SYNDIG1: variants seen among roughly 807,000 people sequenced by gnomAD.
SYNDIG1 encodes the protein synapse differentiation-inducing gene protein 1.
SYNDIG1 carries 9 observed loss-of-function variants against 19.4 expected under a neutral mutation model. That is an observed-to-expected ratio of 0.46 (90% CI 0.28 to 0.81). SYNDIG1 has a LOEUF of 0.81. Among genes scored for constraint, SYNDIG1 ranks in the 30% least tolerant of loss-of-function variants. SYNDIG1 has a pLI of 0.12. For synonymous variants in SYNDIG1, 141 were observed against 145.9 expected (o/e 0.97, Z 0.24); for missense variants, 311 against 343.3 (o/e 0.91, Z 0.74).
Position 24,613,601 on chromosome 20 carries a change from G to C in SYNDIG1, c.618+28608G>C, listed in dbSNP as rs543221852. Among the ~76,000 whole-genome samples the C allele has an allele frequency of 3.9e-5, 6 of 152,162 alleles. No individual in the cohort carries two copies. The South Asian group carries it at 1.0e-3, about 26-fold the overall frequency. On this transcript the variant is annotated intron_variant, in intron 3 of 3. Transcript: ENST00000376862. ...CCCCCTGCCTTGGCACCTCCACACA[G>C]AGGCTCTCCCTTCATGCTTGCCCTC...
intron 1 of SYNDIG1, among the ~76,000 whole-genome samples, chr20:24,485,029 T>A (rs565145364): frequency 1.3e-5 from 2 of 152,240 alleles, no homozygotes; most frequent in Admixed American, 1.3e-4. Flanking sequence ...GGTTCCTCCT[T>A]CTGTTTGGTC....
At chr20:24,605,798 G>T (rs554682573) in intron 3 of SYNDIG1, among the ~76,000 whole-genome samples, 1 of 152,296 alleles carries the variant, frequency 6.6e-6, no homozygotes, top group South Asian at 2.1e-4. Flanking sequence ...TTGTCCAAGG[G>T]CAGAGTCTGC....
chr20:24,544,085 G>T (rs532547926), intron 2 of SYNDIG1, among the ~76,000 whole-genome samples: 17 of 152,310 alleles, frequency 1.1e-4, no homozygotes, highest in African/African-American at 3.6e-4. Flanking sequence ...GGTACTGATA[G>T]CCTGAAGGGA....
At chr20:24,567,743 A>G (rs1415217598) in intron 2 of SYNDIG1, among the ~76,000 whole-genome samples, 2 of 152,164 alleles carry the variant, frequency 1.3e-5, no homozygotes, top group Non-Finnish European at 2.9e-5. Context: ...TCCTTCCAGG[A>G]TGGGAGGGAG....
At chr20:24,480,417 G>A (rs774819691) in intron 1 of SYNDIG1, among the ~76,000 whole-genome samples, 16 of 152,126 alleles carry the variant, frequency 1.1e-4, no homozygotes, top group Non-Finnish European at 1.3e-4. Flanking sequence ...TTCAAATTAC[G>A]TTAATTGACC....
chr20:24,633,287 A>G (rs892844832), intron 3 of SYNDIG1, among the ~76,000 whole-genome samples: 1 of 152,196 alleles, frequency 6.6e-6, no homozygotes, highest in African/African-American at 2.4e-5. Context: ...CGCTGGCTGC[A>G]GAGCCACCAC....
At chr20:24,553,623 T>TA (rs1169915636) in intron 2 of SYNDIG1, among the ~76,000 whole-genome samples, 4 of 152,238 alleles carry the variant, frequency 2.6e-5, no homozygotes, top group Admixed American at 2.0e-4. Context: ...TAGTTGTAGA[T>TA]ATGTGGCATT....
chr20:24,585,819 G>T (rs1235709452), intron 3 of SYNDIG1, among the ~76,000 whole-genome samples: 3 of 152,192 alleles, frequency 2.0e-5, no homozygotes, highest in Non-Finnish European at 4.4e-5. Context: ...GCTGGCCCAG[G>T]GTCGGGGTGG....
At chr20:24,622,216 C>A (rs990085573) in intron 3 of SYNDIG1, among the ~76,000 whole-genome samples, 2 of 152,014 alleles carry the variant, frequency 1.3e-5, no homozygotes, top group Non-Finnish European at 2.9e-5. Flanking sequence ...ACAAAACAGA[C>A]AAAGAAATGA....
At chr20:24,479,725 G>A (rs1213044411) in intron 1 of SYNDIG1, among the ~76,000 whole-genome samples, 2 of 152,162 alleles carry the variant, frequency 1.3e-5, no homozygotes, top group Non-Finnish European at 2.9e-5. Flanking sequence ...CTCCCTGCCT[G>A]CTGCATTGTG....
chr20:24,599,572 G>A (rs541679920), intron 3 of SYNDIG1, among the ~76,000 whole-genome samples: 1 of 152,176 alleles, frequency 6.6e-6, no homozygotes, highest in East Asian at 1.9e-4. Flanking sequence ...GCAAAAATAT[G>A]GAATCAACCG....
At chr20:24,579,428 A>T (rs1343806132) in intron 2 of SYNDIG1, among the ~76,000 whole-genome samples, 5 of 152,140 alleles carry the variant, frequency 3.3e-5, no homozygotes, top group African/African-American at 1.2e-4. Flanking sequence ...AGGCAAAAAA[A>T]CTCTGGTCTC....
chr20:24,649,547 GAC>G (rs1802020664), intron 3 of SYNDIG1, among the ~76,000 whole-genome samples: 1 of 152,222 alleles, frequency 6.6e-6, no homozygotes, highest in Admixed American at 6.5e-5. Context: ...GTCCAGGACA[GAC>G]ACAAAGCTTA....
At position 24,509,859 on chromosome 20, in the gene SYNDIG1, G is replaced by T. The variant is rs2056695994; in HGVS notation, c.-78-33161G>T. On this transcript the variant is annotated intron_variant, in intron 1 of 3. Transcript: ENST00000376862. The stretch of plus-strand genomic sequence containing the variant: ...CTGAAATGTAATCCCCAATGTTGGA[G>T]GTAGGGCCTTGTGGGAGGTGATTGG... 2.0e-5 allele frequency among the ~76,000 whole-genome samples: 3 copies of T among 152,200 alleles called. No individual in the cohort carries two copies. The South Asian group carries it at 6.2e-4, about 32-fold the overall frequency.
chr20:24,570,808 A>T (rs1275144922), intron 2 of SYNDIG1, among the ~76,000 whole-genome samples: 1 of 152,232 alleles, frequency 6.6e-6, no homozygotes, highest in East Asian at 1.9e-4. Flanking sequence ...ATAAAACCTT[A>T]CATTCACACA....
chr20:24,629,673 G>C (rs1454732409), intron 3 of SYNDIG1, among the ~76,000 whole-genome samples: 1 of 152,060 alleles, frequency 6.6e-6, no homozygotes, highest in Admixed American at 6.5e-5. Flanking sequence ...GGAGAATTGG[G>C]GCCCTTCCAC....
At chr20:24,531,308 A>G (rs1270973937) in intron 1 of SYNDIG1, among the ~76,000 whole-genome samples, 1 of 152,192 alleles carries the variant, frequency 6.6e-6, no homozygotes, top group African/African-American at 2.4e-5. Context: ...TCCACTCTAT[A>G]CAGTAACAAA....
rs184921491 is a variant in SYNDIG1, at chr20:24,525,154, A to G, written c.-78-17866A>G. Reference sequence around the variant, plus strand: ...CCTTTTTGATCAAATGGTTATTAAGAAAGCATTTCTTTTCCTTCGTTTCTA... The same window carrying G: ...CCTTTTTGATCAAATGGTTATTAAGGAAGCATTTCTTTTCCTTCGTTTCTA... On this transcript the variant is annotated intron_variant, in intron 1 of 3. Coordinates refer to ENST00000376862, the MANE Select transcript of SYNDIG1 (RefSeq NM_024893.3). Among the ~76,000 whole-genome samples the G allele has an allele frequency of 4.9e-3, 748 of 152,214 alleles. 8 individuals carry two copies. Among genetic ancestry groups the G allele is most frequent in the African/African-American group, 0.017 (726 of 41,546 alleles).
At chr20:24,502,918 T>C (rs1056760830) in intron 1 of SYNDIG1, among the ~76,000 whole-genome samples, 1 of 152,250 alleles carries the variant, frequency 6.6e-6, no homozygotes, top group Admixed American at 6.5e-5. Flanking sequence ...TTTGCATTTA[T>C]GTTAATTCTG....
Sources: gnomAD v4.1 joint callset for allele counts (sites outside exome capture counted in the v4.1 genomes callset) on GRCh38, gnomAD v4.1.1 for gene constraint, MANE v1.5 for transcripts, NCBI Gene and HGNC (gene_info 2026-07-23, HGNC 2026-07-21) for gene names.